CFAP206: variants seen among roughly 807,000 people sequenced by gnomAD.
CFAP206 encodes cilia and flagella associated protein 206.
A neutral mutation model predicts 65.4 loss-of-function variants in CFAP206; 53 were observed. The ratio of observed to expected loss-of-function variants is 0.81; its 90% CI spans 0.65 to 1.02. The LOEUF is 1.02. CFAP206 is among the 50% of genes least tolerant of loss of function. The pLI is 0.00. For missense variants in CFAP206, 663 were observed against 753.2 expected, an observed-to-expected ratio of 0.88 and a Z score of 1.40; for synonymous variants, 250 against 254.4, an observed-to-expected ratio of 0.98 and a Z score of 0.17.
At chr6:87,423,273 G>T (rs1156984038) in intron 7 of CFAP206, among the ~76,000 whole-genome samples, 1 of 147,174 alleles carries the variant, frequency 6.8e-6, no homozygotes, top group Non-Finnish European at 1.5e-5. Context: ...TTTTGAGACG[G>T]AGTCTCGCTC....
At position 87,416,838 on chromosome 6, in the gene CFAP206, C is replaced by A; in HGVS notation, c.631+11C>A. On this transcript the variant is annotated intron_variant, in intron 6 of 12. Coordinates refer to ENST00000369562, the MANE Select transcript of CFAP206 (RefSeq NM_001031743.3). ...AAGGCATTGATGATTGTAGGTATAT[C>A]ATTAGATTAATTCTAAAGGTTATGT... 1 of 1,608,436 alleles carries A rather than the reference C, an allele frequency of 6.2e-7. No individual in the cohort carries two copies. The highest frequency in any genetic ancestry group is 1.7e-5 in the Admixed American group (1 of 59,662).
intron 11 of CFAP206, among the ~76,000 whole-genome samples, chr6:87,451,180 T>C (rs1562009920): frequency 6.6e-6 from 1 of 152,164 alleles, no homozygotes; most frequent in Non-Finnish European, 1.5e-5. Context: ...ACCAGTGGAC[T>C]TGGGTGCATG....
intron 11 of CFAP206, among the ~76,000 whole-genome samples, chr6:87,447,304 A>C (rs1374229786): frequency 6.6e-6 from 1 of 152,130 alleles, no homozygotes; most frequent in African/African-American, 2.4e-5. Flanking sequence ...TTGCCCATTC[A>C]GTATATTGGC....
At chr6:87,450,935 G>T (rs865955423) in intron 11 of CFAP206, among the ~76,000 whole-genome samples, 7 of 152,182 alleles carry the variant, frequency 4.6e-5, no homozygotes, top group Non-Finnish European at 8.8e-5. Context: ...ATTCAGTGCT[G>T]CCCTGTCATA....
intron 11 of CFAP206, among the ~76,000 whole-genome samples, chr6:87,454,851 A>AC (rs1424809640): frequency 6.6e-5 from 10 of 150,594 alleles, no homozygotes; most frequent in African/African-American, 2.2e-4. Flanking sequence ...TCTCAAAAAA[A>AC]AAAAAAAACA....
intron 7 of CFAP206, among the ~76,000 whole-genome samples, chr6:87,423,093 A>G (rs1767974641): frequency 6.6e-6 from 1 of 150,792 alleles, no homozygotes; most frequent in Non-Finnish European, 1.5e-5. Context: ...ATTTTTTTGT[A>G]TTTTTAGTAG....
At chr6:87,408,115 C>G (rs1211025568) in intron 1 of CFAP206, 26 bp downstream of exon 1, 1 of 979,062 alleles carries the variant, frequency 1.0e-6, no homozygotes, top group African/African-American at 1.8e-5. Flanking sequence ...GCTCCGCGCC[C>G]TTGACCCGGA....
intron 11 of CFAP206, among the ~76,000 whole-genome samples, chr6:87,460,032 T>A (rs1371079098): frequency 1.3e-5 from 2 of 152,236 alleles, no homozygotes; most frequent in African/African-American, 2.4e-5. Context: ...TTTTTAGCAT[T>A]TTTAAAATCT....
intron 11 of CFAP206, chr6:87,444,656 G>A: frequency 3.4e-6 from 1 of 293,616 alleles, no homozygotes; most frequent in Non-Finnish European, 6.6e-6. Context: ...AGAGCCTACT[G>A]AGTTCCTGAT....
At chr6:87,434,418 CAAA>C (rs11435368) in intron 10 of CFAP206, among the ~76,000 whole-genome samples, 4 of 102,346 alleles carry the variant, frequency 3.9e-5, no homozygotes, top group African/African-American at 7.7e-5. Context: ...GACACAGTCT[CAAA>C]AAAAAAAAAA....
In CFAP206 at chr6:87,426,623, C is replaced by T. The variant is rs371772194; in HGVS notation, c.938C>T (p.Ala313Val). The T allele has an allele frequency of 7.2e-5, 115 of 1,588,482 alleles. 1 individual carries two copies. The South Asian group carries it at 1.1e-3, about 16-fold the overall frequency. The change falls in exon 8 of 13, where the codon GCG becomes GTG. Residue 313 changes from alanine to valine, a missense_variant. Physicochemically the swap from Ala to Val is moderately conservative, Grantham distance 64. Coordinates refer to ENST00000369562, the MANE Select transcript of CFAP206 (RefSeq NM_001031743.3). ...QLKMTIKSKI[A>V]VPTSQVFPIF... ...AAAATGACCATAAAATCAAAGATAG[C>T]GGTCCCAACATCACAAGTCTTTGTA...
intron 10 of CFAP206, among the ~76,000 whole-genome samples, chr6:87,433,373 A>T (rs1768194062): frequency 6.6e-6 from 1 of 152,204 alleles, no homozygotes; most frequent in South Asian, 2.1e-4. Context: ...TGGATAAATG[A>T]AAGAATAAAT....
At chr6:87,447,878 A>T (rs768779319) in intron 11 of CFAP206, among the ~76,000 whole-genome samples, 3 of 151,782 alleles carry the variant, frequency 2.0e-5, no homozygotes, top group Non-Finnish European at 4.4e-5. Flanking sequence ...TCTATTCAGG[A>T]TCCAACTTCT....
At position 87,431,148 on chromosome 6, in the gene CFAP206, T is replaced by C; in HGVS notation, c.1275T>C (p.Ala425=). The C allele has an allele frequency of 1.2e-6, 2 of 1,613,994 alleles. No homozygotes were observed. The highest frequency in any genetic ancestry group is 1.7e-6 in the Non-Finnish European group (2 of 1,179,946). Residue 425 remains alanine, a synonymous_variant, in exon 10 of 13, where the codon GCT becomes GCC. Coordinates refer to ENST00000369562, the MANE Select transcript of CFAP206 (RefSeq NM_001031743.3). Reference sequence around the variant, plus strand: ...GGGGATTTTGTGCTTACACGTTTGCTGCAACAGATGGTCTTCTCCTTCCAG... The same window carrying C: ...GGGGATTTTGTGCTTACACGTTTGCCGCAACAGATGGTCTTCTCCTTCCAG... ...QYRGFCAYTF[A]ATDGLLLPGN... is the part of the protein sequence containing the mutation.
intron 10 of CFAP206, 133 bp downstream of exon 10, chr6:87,431,306 G>C: frequency 3.5e-6 from 3 of 862,548 alleles, no homozygotes; most frequent in Non-Finnish European, 5.3e-6. Flanking sequence ...GATCTACAAA[G>C]ATGATCCAGA....
At chr6:87,463,527 A>G (rs946361096) in intron 12 of CFAP206, among the ~76,000 whole-genome samples, 7 of 152,214 alleles carry the variant, frequency 4.6e-5, no homozygotes, top group African/African-American at 1.7e-4. Flanking sequence ...CATGTTTACT[A>G]ATAATCTATA....
Position 87,410,674 on chromosome 6 carries a change from T to C in CFAP206, c.192+6T>C. 8 of 1,608,232 alleles carry C rather than the reference T, an allele frequency of 5.0e-6. No individual in the cohort carries two copies. Among genetic ancestry groups the C allele is most frequent in the Non-Finnish European group, 6.0e-6 (7 of 1,175,222 alleles). ...ATGTGCAGAATCTTGTTAAGGTGAT[T>C]ACCCAACAGTCCTCAAATTTGCAAT... On this transcript the variant is annotated splice_donor_region_variant and intron_variant, in intron 3 of 12. Transcript: ENST00000369562.
chr6:87,433,148 T>C (rs926125747), intron 10 of CFAP206, among the ~76,000 whole-genome samples: 1 of 152,258 alleles, frequency 6.6e-6, no homozygotes, highest in Non-Finnish European at 1.5e-5. Context: ...GCTAATCGCC[T>C]TGCTGCCTCA....
At chr6:87,460,641 GA>G (rs528163984) in intron 11 of CFAP206, among the ~76,000 whole-genome samples, 1 of 152,236 alleles carries the variant, frequency 6.6e-6, no homozygotes, top group East Asian at 1.9e-4. Flanking sequence ...GAAAGAGTGG[GA>G]GGGGGGCATA....
Sources: allele counts gnomAD v4.1 joint callset (sites outside exome capture counted in the v4.1 genomes callset), GRCh38; gene constraint gnomAD v4.1.1; transcripts MANE v1.5; gene names NCBI Gene and HGNC (gene_info 2026-07-23, HGNC 2026-07-21).